TPRG1: variants seen among roughly 807,000 people sequenced by gnomAD.
TPRG1 encodes tumor protein p63-regulated gene 1 protein.
TPRG1 carries 29 observed loss-of-function variants against 29.3 expected under a neutral mutation model. The ratio of observed to expected loss-of-function variants is 0.99; its 90% CI spans 0.74 to 1.35. The LOEUF (loss-of-function observed/expected upper bound fraction) is 1.35, where lower values mean the gene tolerates loss of function less well. TPRG1 is among the 40% of genes most tolerant of loss of function. TPRG1 has a pLI of 0.00. For synonymous variants in TPRG1, 130 were observed against 116.8 expected (o/e 1.11, Z -0.73); for missense variants, 327 against 335.0 (o/e 0.98, Z 0.19).
intron 2 of TPRG1, among the ~76,000 whole-genome samples, chr3:189,207,818 T>G (rs113278946): frequency 6.6e-6 from 1 of 152,226 alleles, no homozygotes; most frequent in South Asian, 2.1e-4. Context: ...TAAGGAGAAG[T>G]GTGTCCTCGA....
At chr3:189,009,475 C>T (rs542792405) in intron 3 of TPRG1, among the ~76,000 whole-genome samples, 12 of 151,944 alleles carry the variant, frequency 7.9e-5, no homozygotes, top group Non-Finnish European at 1.5e-4. Flanking sequence ...GGAGGGCCTG[C>T]GAAATTGGAT....
chr3:189,114,778 A>G (rs1352352686), intron 1 of TPRG1, among the ~76,000 whole-genome samples: 2 of 152,148 alleles, frequency 1.3e-5, no homozygotes, highest in African/African-American at 4.8e-5. Flanking sequence ...TGGTCCAGAA[A>G]CGTGGGTAAT....
chr3:189,181,302 A>G (rs1227947794), intron 1 of TPRG1, among the ~76,000 whole-genome samples: 1 of 152,128 alleles, frequency 6.6e-6, no homozygotes, highest in Admixed American at 6.5e-5. Context: ...GCCAGCTTGA[A>G]TTTCTCCTGA....
At chr3:189,191,055 T>A in intron 1 of TPRG1, 1 of 842,124 alleles carries the variant, frequency 1.2e-6, no homozygotes, top group Non-Finnish European at 1.4e-6. Context: ...GCTTATTCAG[T>A]AGTTGTAGCA....
chr3:189,155,579 G>A (rs758775201), intron 5 of TPRG1, among the ~76,000 whole-genome samples: 1 of 152,104 alleles, frequency 6.6e-6, no homozygotes, highest in Non-Finnish European at 1.5e-5. Flanking sequence ...GAAGTGTCAA[G>A]GGTCAAGGAT....
At chr3:189,018,633 G>A (rs1480047832) in intron 3 of TPRG1, among the ~76,000 whole-genome samples, 5 of 149,792 alleles carry the variant, frequency 3.3e-5, no homozygotes, top group East Asian at 3.9e-4. Context: ...GGTTACTGTA[G>A]CCTTGTAGTA....
chr3:189,222,059 T>C (rs532360501), intron 3 of TPRG1, among the ~76,000 whole-genome samples: 5 of 152,270 alleles, frequency 3.3e-5, no homozygotes, highest in African/African-American at 1.2e-4. Context: ...TCTTTGTTGA[T>C]TGTCTTTTGT....
intron 1 of TPRG1, among the ~76,000 whole-genome samples, chr3:189,184,103 C>T (rs577019659): frequency 6.6e-6 from 1 of 152,264 alleles, no homozygotes; most frequent in South Asian, 2.1e-4. Context: ...TGGCTTTAGC[C>T]AGTCCCTCTG....
At chr3:189,116,813 T>A (rs753311586) in intron 1 of TPRG1, among the ~76,000 whole-genome samples, 14 of 152,150 alleles carry the variant, frequency 9.2e-5, no homozygotes, top group African/African-American at 1.2e-4. Context: ...GTTTAATGGG[T>A]GTAGAGTTTT....
upstream of TPRG1, among the ~76,000 whole-genome samples, chr3:189,098,719 A>G (rs1214830632): frequency 1.3e-5 from 2 of 152,208 alleles, no homozygotes; most frequent in Non-Finnish European, 2.9e-5. Flanking sequence ...ATTCTTGCAT[A>G]GAAGTAGAGC....
chr3:189,243,638 T>C (rs1322196406), intron 4 of TPRG1, among the ~76,000 whole-genome samples: 1 of 152,200 alleles, frequency 6.6e-6, no homozygotes, highest in Non-Finnish European at 1.5e-5. Context: ...AGTCATTTCT[T>C]TGCTCATATG....
rs914593642 is a variant in TPRG1, at chr3:189,321,379, G to C, written c.*559G>C. The stretch of plus-strand genomic sequence containing the variant: ...CTTAATTGAGCATTATCAAAATCCT[G>C]TGGTATTTATATGGTCCCAGTTATC... On this transcript the variant is annotated 3_prime_UTR_variant, in exon 6 of 6. Transcript: ENST00000345063. 4 of 151,868 alleles carry C rather than the reference G, an allele frequency of 2.6e-5. No individual in the cohort carries two copies. The highest frequency in any genetic ancestry group is 5.9e-5 in the Non-Finnish European group (4 of 67,972). 9.4% of individuals were successfully genotyped at this position (151,868 alleles called of 1,614,324 possible). A position where few individuals can be genotyped will look rare whatever the true frequency, so the allele number is the denominator to read the frequency against.
chr3:189,256,174 A>G (rs1216590030), intron 4 of TPRG1, among the ~76,000 whole-genome samples: 1 of 152,188 alleles, frequency 6.6e-6, no homozygotes, highest in Non-Finnish European at 1.5e-5. Context: ...CCTTCTACCT[A>G]CTGCCTTAGC....
At chr3:189,246,217 C>G (rs929228763) in intron 4 of TPRG1, among the ~76,000 whole-genome samples, 1 of 152,112 alleles carries the variant, frequency 6.6e-6, no homozygotes, top group African/African-American at 2.4e-5. Context: ...TTGCTTGCCA[C>G]CATGTAAGAC....
intron 1 of TPRG1, among the ~76,000 whole-genome samples, chr3:189,103,510 G>C (rs1274717830): frequency 6.6e-6 from 1 of 152,132 alleles, no homozygotes; most frequent in African/African-American, 2.4e-5. Context: ...CTACACCACG[G>C]ACAATCATTC....
chr3:189,037,041 A>AC (rs11381331), intron 4 of TPRG1, among the ~76,000 whole-genome samples: 3 of 150,682 alleles, frequency 2.0e-5, no homozygotes, highest in South Asian at 4.2e-4. Flanking sequence ...GAAAAAAAAA[A>AC]CGAAACAAAT....
intron 4 of TPRG1, among the ~76,000 whole-genome samples, chr3:189,026,214 C>T (rs1713652761): frequency 6.6e-6 from 1 of 152,178 alleles, no homozygotes; most frequent in African/African-American, 2.4e-5. Context: ...ACAACTGCCT[C>T]CTCCTCACTT....
In TPRG1 at chr3:189,118,881, G is replaced by A. The variant is rs533718683; in HGVS notation, c.-743-8176G>A. On this transcript the variant is annotated intron_variant, in intron 1 of 6. Coordinates refer to the TPRG1 transcript ENST00000412373. Reference sequence around the variant, plus strand: ...TGGAGAACCTCTGCTACAGCAGTGTGGAAGGAAAATGTGGGGTCAGAGCCC... The same window carrying A: ...TGGAGAACCTCTGCTACAGCAGTGTAGAAGGAAAATGTGGGGTCAGAGCCC... 5.9e-5 allele frequency among the ~76,000 whole-genome samples: 9 copies of A among 152,344 alleles called. No homozygotes were observed. The South Asian group carries it at 1.9e-3, about 32-fold the overall frequency.
intron 3 of TPRG1, among the ~76,000 whole-genome samples, chr3:189,227,274 T>C (rs1262547858): frequency 6.6e-6 from 1 of 152,166 alleles, no homozygotes; most frequent in East Asian, 1.9e-4. Flanking sequence ...ATTGTCTCTC[T>C]GTAGCCCTGT....
Sources: gnomAD v4.1 joint callset for allele counts (sites outside exome capture counted in the v4.1 genomes callset) on GRCh38, gnomAD v4.1.1 for gene constraint, MANE v1.5 for transcripts, NCBI Gene and HGNC (gene_info 2026-07-23, HGNC 2026-07-21) for gene names.